CSMD1: variants seen among roughly 807,000 people sequenced by gnomAD.
CSMD1 encodes the protein CUB and Sushi multiple domains 1, also known as CUB and sushi domain-containing protein 1.
In CSMD1, 213 loss-of-function variants were observed where a neutral mutation model predicts 417.5. The ratio of observed to expected loss-of-function variants is 0.51; its 90% CI spans 0.46 to 0.57. The LOEUF (loss-of-function observed/expected upper bound fraction) is 0.57, where lower values mean the gene tolerates loss of function less well. Among genes scored for constraint, CSMD1 ranks in the 20% least tolerant of loss-of-function variants. CSMD1 has a pLI of 0.00. For missense variants in CSMD1, 6,923 were observed against 4,529.7 expected, an observed-to-expected ratio of 1.53 and a Z score of -15.17; for synonymous variants, 2,862 against 1,736.8, an observed-to-expected ratio of 1.65 and a Z score of -16.11.
chr8:4,163,666 T>A (rs143411135), intron 3 of CSMD1, among the ~76,000 whole-genome samples: 1 of 152,290 alleles, frequency 6.6e-6, no homozygotes, highest in African/African-American at 2.4e-5. Flanking sequence ...AAGGAAATAA[T>A]TTTAAAACAA....
At chr8:4,715,480 A>G (rs1808594729) in intron 1 of CSMD1, among the ~76,000 whole-genome samples, 1 of 152,150 alleles carries the variant, frequency 6.6e-6, no homozygotes, top group Non-Finnish European at 1.5e-5. Flanking sequence ...TAAATACCAC[A>G]TATAAATTGA....
chr8:3,669,908 T>A (rs1296618788), intron 7 of CSMD1, among the ~76,000 whole-genome samples: 1 of 152,080 alleles, frequency 6.6e-6, no homozygotes, highest in African/African-American at 2.4e-5. Flanking sequence ...TTCTTAACAT[T>A]TGAGGAAATG....
Position 3,101,656 on chromosome 8 carries a change from A to C in CSMD1, c.6950-4619T>G, listed in dbSNP as rs140999988. Among the ~76,000 whole-genome samples the C allele has an allele frequency of 2.4e-4, 37 of 152,098 alleles. No individual in the cohort carries two copies. The East Asian group carries it at 6.6e-3, about 27-fold the overall frequency. ...TACCCAGGATGGTCTCGATCTCCTG[A>C]CCTTGTGATCCGCTCCCCTCAGCCT... On this transcript the variant is annotated intron_variant, in intron 46 of 69. Coordinates refer to ENST00000635120, the MANE Select transcript of CSMD1 (RefSeq NM_033225.6).
intron 2 of CSMD1, among the ~76,000 whole-genome samples, chr8:4,466,639 A>G (rs1800187331): frequency 6.6e-6 from 1 of 152,186 alleles, no homozygotes; most frequent in African/African-American, 2.4e-5. Flanking sequence ...CTTTATTTAA[A>G]TGTTTAATTT....
chr8:3,162,477 C>G (rs1235355126), intron 37 of CSMD1, among the ~76,000 whole-genome samples, 200 bp from the exon 38 acceptor site: 1 of 152,056 alleles, frequency 6.6e-6, no homozygotes, highest in African/African-American at 2.4e-5. Context: ...ATTAAATTAT[C>G]TTATTTTCAT....
chr8:3,919,136 T>C (rs530228439), intron 5 of CSMD1, among the ~76,000 whole-genome samples: 9 of 144,698 alleles, frequency 6.2e-5, no homozygotes, highest in African/African-American at 2.3e-4. Flanking sequence ...GTGTTTGACG[T>C]AGTCCCACTT....
intron 10 of CSMD1, among the ~76,000 whole-genome samples, chr8:3,505,825 A>G (rs1460890047): frequency 6.6e-6 from 1 of 152,188 alleles, no homozygotes; most frequent in Non-Finnish European, 1.5e-5. Flanking sequence ...CAGGTATCGT[A>G]TCAACACACT....
At chr8:4,130,884 G>C (rs1803060928) in intron 3 of CSMD1, among the ~76,000 whole-genome samples, 1 of 151,640 alleles carries the variant, frequency 6.6e-6, no homozygotes, top group Non-Finnish European at 1.5e-5. Flanking sequence ...CATATGCTGA[G>C]ATAGGTAGAA....
intron 7 of CSMD1, among the ~76,000 whole-genome samples, chr8:3,689,921 T>C (rs1800147950): frequency 1.3e-5 from 2 of 152,222 alleles, no homozygotes; most frequent in African/African-American, 2.4e-5. Context: ...CTGCAAATAA[T>C]CACGTTCATC....
Position 2,974,138 on chromosome 8 carries a change from C to A in CSMD1, c.8740+313G>T, listed in dbSNP as rs191443537. ...TGATGGTAGAGGGAGGGAAAATTAA[C>A]CACATAAAAAAGAATAAAGAGCGAA... On this transcript the variant is annotated intron_variant, in intron 56 of 69. Transcript: ENST00000635120. 1.2e-3 allele frequency among the ~76,000 whole-genome samples: 175 copies of A among 150,660 alleles called. 1 individual carries two copies. Among genetic ancestry groups the A allele is most frequent in the Non-Finnish European group, 2.0e-3 (136 of 67,538 alleles).
intron 3 of CSMD1, among the ~76,000 whole-genome samples, chr8:4,284,904 G>T (rs1056976447): frequency 5.3e-5 from 8 of 152,100 alleles, no homozygotes; most frequent in Non-Finnish European, 1.2e-4. Flanking sequence ...CTCCTTTCCT[G>T]AATTCAGTTT....
At chr8:3,844,746 G>C (rs1803377052) in intron 5 of CSMD1, among the ~76,000 whole-genome samples, 1 of 152,108 alleles carries the variant, frequency 6.6e-6, no homozygotes, top group African/African-American at 2.4e-5. Context: ...TTGACAATGA[G>C]GTCATGTGAC....
chr8:3,462,954 G>T (rs559005825), intron 12 of CSMD1, among the ~76,000 whole-genome samples: 5 of 152,212 alleles, frequency 3.3e-5, no homozygotes, highest in Non-Finnish European at 4.4e-5. Context: ...TAGTGCCCTT[G>T]TGAAGGATGT....
At chr8:2,988,872 G>C (rs1374411155) in intron 54 of CSMD1, among the ~76,000 whole-genome samples, 3 of 152,136 alleles carry the variant, frequency 2.0e-5, no homozygotes, top group Non-Finnish European at 2.9e-5. Context: ...CCCAGGGTGA[G>C]GTGGATGTTG....
chr8:2,996,908 T>A (rs1806945979), intron 54 of CSMD1, among the ~76,000 whole-genome samples: 1 of 152,256 alleles, frequency 6.6e-6, no homozygotes, highest in African/African-American at 2.4e-5. Flanking sequence ...TTTTTATTTT[T>A]GGAGGGAGAC....
intron 27 of CSMD1, among the ~76,000 whole-genome samples, chr8:3,225,527 G>A (rs972122745): frequency 6.6e-6 from 1 of 152,094 alleles, no homozygotes; most frequent in African/African-American, 2.4e-5. Flanking sequence ...TCAGGGAGCG[G>A]GAGCTGATGC....
intron 11 of CSMD1, among the ~76,000 whole-genome samples, chr8:3,474,892 C>G (rs560275785): frequency 5.8e-4 from 88 of 152,196 alleles, no homozygotes; most frequent in African/African-American, 2.1e-3. Flanking sequence ...CTAAATAAAT[C>G]TATTTTTGAT....
intron 6 of CSMD1, among the ~76,000 whole-genome samples, chr8:3,728,862 G>A (rs1165475034): frequency 1.3e-5 from 2 of 152,160 alleles, no homozygotes; most frequent in African/African-American, 2.4e-5. Flanking sequence ...GCAGATTCAT[G>A]GACTAAGGCA....
At chr8:4,194,874 G>A (rs997058291) in intron 3 of CSMD1, among the ~76,000 whole-genome samples, 1 of 151,876 alleles carries the variant, frequency 6.6e-6, no homozygotes, top group Non-Finnish European at 1.5e-5. Flanking sequence ...CATTTTCATT[G>A]GTCAGCCACA....
Sources: gnomAD v4.1 joint callset for allele counts (sites outside exome capture counted in the v4.1 genomes callset) on GRCh38, gnomAD v4.1.1 for gene constraint, MANE v1.5 for transcripts, NCBI Gene and HGNC (gene_info 2026-07-23, HGNC 2026-07-21) for gene names.